PDE11A: variants seen among roughly 807,000 people sequenced by gnomAD.
PDE11A encodes dual 3',5'-cyclic-AMP and -GMP phosphodiesterase 11A.
In PDE11A, 100 loss-of-function variants were observed where a neutral mutation model predicts 100.5. That is an observed-to-expected ratio of 1.00 (90% CI 0.85 to 1.18). PDE11A has a LOEUF of 1.18. PDE11A is among the 50% of genes most tolerant of loss of function. The probability of loss-of-function intolerance (pLI) is 0.00; values close to 1 mark genes in which losing one functional copy is unlikely to be tolerated. For missense variants in PDE11A, 1,141 were observed against 1,152.6 expected (o/e 0.99, Z 0.15); for synonymous variants, 381 against 420.8 (o/e 0.91, Z 1.16).
intron 17 of PDE11A, among the ~76,000 whole-genome samples, chr2:177,673,315 G>A (rs77487294): frequency 6.6e-6 from 1 of 152,166 alleles, no homozygotes; most frequent in Non-Finnish European, 1.5e-5. Flanking sequence ...AGCTAAGAAG[G>A]GTGATGGGAA....
intron 12 of PDE11A, among the ~76,000 whole-genome samples, chr2:177,718,748 A>G (rs2081480968): frequency 6.6e-6 from 1 of 152,252 alleles, no homozygotes; most frequent in South Asian, 2.1e-4. Context: ...AAATTTCCAT[A>G]AAGAACATTT....
intron 13 of PDE11A, among the ~76,000 whole-genome samples, chr2:177,702,308 C>A (rs2081208986): frequency 9.4e-6 from 1 of 106,184 alleles, no homozygotes; most frequent in African/African-American, 3.7e-5. Flanking sequence ...GAGTGAGACT[C>A]CGTCTCAAAA....
chr2:177,688,911 C>T (rs2080998631), intron 15 of PDE11A, among the ~76,000 whole-genome samples: 1 of 152,184 alleles, frequency 6.6e-6, no homozygotes, highest in South Asian at 2.1e-4. Flanking sequence ...TTTCTGTGAA[C>T]ATTTTAATCA....
intron 2 of PDE11A, among the ~76,000 whole-genome samples, chr2:178,008,405 C>T (rs1465820146): frequency 6.6e-6 from 1 of 152,086 alleles, no homozygotes; most frequent in Non-Finnish European, 1.5e-5. Context: ...TAAAGGTAAT[C>T]TAATTTTTTA....
chr2:177,707,563 G>A (rs1244220416), intron 13 of PDE11A, among the ~76,000 whole-genome samples: 1 of 152,158 alleles, frequency 6.6e-6, no homozygotes, highest in Non-Finnish European at 1.5e-5. Context: ...CCTCTTTGTA[G>A]ACTGGTTTTC....
chr2:177,709,479 G>A (rs1275451023), intron 13 of PDE11A, among the ~76,000 whole-genome samples: 1 of 152,174 alleles, frequency 6.6e-6, no homozygotes, highest in Non-Finnish European at 1.5e-5. Flanking sequence ...GGCATGGAGG[G>A]AAAGACTGAG....
intron 2 of PDE11A, among the ~76,000 whole-genome samples, chr2:177,913,916 C>A (rs7561059): frequency 2.6e-5 from 4 of 151,954 alleles, no homozygotes; most frequent in African/African-American, 9.7e-5. Flanking sequence ...GGTTGAAGAA[C>A]ATATGCTCAA....
chr2:177,736,884 A>G (rs963306787), intron 10 of PDE11A, among the ~76,000 whole-genome samples: 2 of 152,150 alleles, frequency 1.3e-5, no homozygotes, highest in Admixed American at 6.5e-5. Flanking sequence ...TGGAAATGAC[A>G]CCTGTTTGGG....
At position 177,727,996 on chromosome 2, in the gene PDE11A, T is replaced by G. The variant is rs2081625273; in HGVS notation, c.1935+30A>C. ...GGCTAACACGTTGTCCCAGGTGAAC[T>G]GCTTGGATCACCCAAGACAGACATC... is the stretch of plus-strand genomic sequence containing the variant. On this transcript the variant is annotated intron_variant, in intron 11 of 19. Transcript: ENST00000286063. The G allele has an allele frequency of 1.9e-6, 3 of 1,602,178 alleles. No individual in the cohort carries two copies. The East Asian group carries it at 6.7e-5, about 36-fold the overall frequency.
Position 177,626,430 on chromosome 2 carries a change from A to G in PDE11A, c.*2977T>C, listed in dbSNP as rs1436474912. 1 of 152,634 alleles carries G rather than the reference A, an allele frequency of 6.6e-6. No homozygotes were observed. The highest frequency in any genetic ancestry group is 2.4e-5 in the African/African-American group (1 of 41,436). 9.5% of individuals were successfully genotyped at this position (152,634 alleles called of 1,614,324 possible). A position where few individuals can be genotyped will look rare whatever the true frequency, so the allele number is the denominator to read the frequency against. On this transcript the variant is annotated 3_prime_UTR_variant, in exon 20 of 20. Transcript: ENST00000286063. ...CTGATTTTCAATTCCCGTTCGTGATATAAACATGATGTGGCACATTACCCA... is the reference window on the plus strand; with the variant it reads ...CTGATTTTCAATTCCCGTTCGTGATGTAAACATGATGTGGCACATTACCCA...
At chr2:177,746,043 A>G (rs920444345) in intron 10 of PDE11A, among the ~76,000 whole-genome samples, 1 of 152,228 alleles carries the variant, frequency 6.6e-6, no homozygotes, top group Admixed American at 6.5e-5. Context: ...CTGAGCCTCA[A>G]TGAACAAAGG....
intron 2 of PDE11A, among the ~76,000 whole-genome samples, chr2:177,946,622 T>C (rs2085435697): frequency 1.9e-5 from 2 of 106,460 alleles, no homozygotes; most frequent in Non-Finnish European, 4.1e-5. Flanking sequence ...AGCCGCCCCG[T>C]CCGGGAGGGA....
At position 177,945,794 on chromosome 2, in the gene PDE11A, C is replaced by T. The variant is rs1265657321; in HGVS notation, c.1072-40607G>A. On this transcript the variant is annotated intron_variant, in intron 2 of 19. Transcript: ENST00000286063. Reference sequence around the variant, plus strand: ...GAGGGAGGTGGGGGGTCAGCCCCCCCGCCCGGCCAGCCGTGCCATCCGGGA... The same window carrying T: ...GAGGGAGGTGGGGGGTCAGCCCCCCTGCCCGGCCAGCCGTGCCATCCGGGA... Among the ~76,000 whole-genome samples the T allele has an allele frequency of 2.0e-5, 3 of 149,534 alleles. No individual in the cohort carries two copies. In the East Asian group the frequency reaches 6.3e-4, roughly 31 times the overall value.
chr2:177,816,706 A>G (rs1574172371), intron 9 of PDE11A, 123 bp downstream of exon 9: 10 of 738,212 alleles, frequency 1.4e-5, no homozygotes, highest in East Asian at 7.4e-5. Context: ...CCCACAACCT[A>G]AAATGATTAA....
At chr2:177,884,940 GT>G (rs1431171682) in intron 4 of PDE11A, among the ~76,000 whole-genome samples, 1 of 152,166 alleles carries the variant, frequency 6.6e-6, no homozygotes, top group African/African-American at 2.4e-5. Flanking sequence ...TTTAGCTTGA[GT>G]TACTTACTAA....
At chr2:178,105,233 G>A (rs1285542700) in intron 1 of PDE11A, among the ~76,000 whole-genome samples, 3 of 152,120 alleles carry the variant, frequency 2.0e-5, no homozygotes, top group African/African-American at 2.4e-5. Context: ...AGGCCAAGGC[G>A]GGCAAATCAC....
chr2:178,098,363 T>C (rs1359183843), intron 2 of PDE11A, among the ~76,000 whole-genome samples: 1 of 152,202 alleles, frequency 6.6e-6, no homozygotes, highest in Non-Finnish European at 1.5e-5. Flanking sequence ...TGGTACTATT[T>C]AAATGTAGAA....
intron 1 of PDE11A, among the ~76,000 whole-genome samples, chr2:178,065,822 C>T (rs1236164745): frequency 5.3e-5 from 8 of 152,080 alleles, no homozygotes; most frequent in Admixed American, 1.3e-4. Flanking sequence ...GCACTCTCAT[C>T]GCTGAATTTT....
intron 2 of PDE11A, among the ~76,000 whole-genome samples, chr2:177,928,548 T>A (rs2085162456): frequency 6.6e-6 from 1 of 152,152 alleles, no homozygotes; most frequent in Non-Finnish European, 1.5e-5. Context: ...AAAACTAATA[T>A]AAGTGCAGTA....
Sources: gnomAD v4.1 joint callset for allele counts (sites outside exome capture counted in the v4.1 genomes callset) on GRCh38, gnomAD v4.1.1 for gene constraint, MANE v1.5 for transcripts, NCBI Gene and HGNC (gene_info 2026-07-23, HGNC 2026-07-21) for gene names.